KIF13A: variants seen among roughly 807,000 people sequenced by gnomAD.
KIF13A encodes the protein kinesin family member 13A.
A neutral mutation model predicts 212.2 loss-of-function variants in KIF13A; 79 were observed. The observed-to-expected ratio is 0.37, with a 90% confidence interval of 0.31 to 0.45. KIF13A has a LOEUF of 0.45. Ranked by LOEUF, KIF13A falls within the 20% of genes least tolerant of loss-of-function variation. The pLI is 1.00. For missense variants in KIF13A, 1,901 were observed against 2,209.0 expected (o/e 0.86, Z 2.79); for synonymous variants, 789 against 808.6 (o/e 0.98, Z 0.41).
At chr6:17,959,594 T>A (rs1581860072) in intron 2 of KIF13A, among the ~76,000 whole-genome samples, 1 of 152,242 alleles carries the variant, frequency 6.6e-6, no homozygotes, top group Non-Finnish European at 1.5e-5. Context: ...CAACACCTTC[T>A]GTATCAACAA....
intron 16 of KIF13A, among the ~76,000 whole-genome samples, chr6:17,817,587 G>C (rs1764061860): frequency 6.6e-6 from 1 of 152,158 alleles, no homozygotes; most frequent in South Asian, 2.1e-4. Context: ...CGAAATCTAG[G>C]ACAATTCCAA....
intron 3 of KIF13A, among the ~76,000 whole-genome samples, chr6:17,889,556 C>G (rs1002489516): frequency 1.1e-4 from 16 of 152,210 alleles, no homozygotes; most frequent in African/African-American, 3.9e-4. Context: ...ATATGTTTTC[C>G]CTCAGATTCT....
At position 17,828,128 on chromosome 6, in the gene KIF13A, C is replaced by T. The variant is rs763314409; in HGVS notation, c.1532+112G>A. 1.1e-5 allele frequency: 11 copies of T among 1,017,492 alleles called. No homozygotes were observed. Among genetic ancestry groups the T allele is most frequent in the Non-Finnish European group, 1.5e-5 (11 of 714,186 alleles). The allele number at this position is 1,017,492 out of a possible 1,614,324, so 63.0% of individuals were successfully genotyped here. ...TCAGAAAGCAAGGGCCCCCTGAGGA[C>T]CCCCATGTATCCTTAACTTTAATAT... On this transcript the variant is annotated intron_variant, in intron 14 of 38. Transcript: ENST00000259711. The surrounding 1 kb of genome is among the most constrained non-coding windows in gnomAD (Gnocchi z 4.3).
At chr6:17,820,071 C>T (rs186680243) in intron 16 of KIF13A, among the ~76,000 whole-genome samples, 6 of 152,172 alleles carry the variant, frequency 3.9e-5, no homozygotes, top group African/African-American at 1.4e-4. Flanking sequence ...AGTGCAGAAA[C>T]ACACATGATC....
In KIF13A at chr6:17,961,765, G is replaced by A. The variant is rs563112920; in HGVS notation, c.146+25289C>T. Among the ~76,000 whole-genome samples the A allele has an allele frequency of 6.6e-5, 10 of 152,268 alleles. No individual in the cohort carries two copies. Among genetic ancestry groups the A allele is most frequent in the African/African-American group, 1.9e-4 (8 of 41,552 alleles). On this transcript the variant is annotated intron_variant, in intron 2 of 38. Transcript: ENST00000259711. This position sits in a 1 kb window ranked among gnomAD's most constrained non-coding sequence, Gnocchi z 4.1. ...CAGCCAAGTAAGATGTCCACCTCCA[G>A]CAACGACATAGACTGCAGCGCACAC...
chr6:17,891,240 G>A (rs553590874), intron 3 of KIF13A, among the ~76,000 whole-genome samples: 49 of 152,270 alleles, frequency 3.2e-4, no homozygotes, highest in Middle Eastern at 3.4e-3. Flanking sequence ...GGCTTATGCT[G>A]AAATAAATGT....
At chr6:17,905,362 G>A (rs987482538) in intron 2 of KIF13A, among the ~76,000 whole-genome samples, 15 of 152,050 alleles carry the variant, frequency 9.9e-5, no homozygotes, top group African/African-American at 2.4e-4. Flanking sequence ...TCTGACATCC[G>A]GAAGCTTAAA....
intron 26 of KIF13A, among the ~76,000 whole-genome samples, 165 bp from the exon 27 acceptor site, chr6:17,788,040 A>G (rs1761208246): frequency 6.6e-6 from 1 of 152,208 alleles, no homozygotes; most frequent in Non-Finnish European, 1.5e-5. Context: ...GGCCTCAGTA[A>G]CACTGCATGT....
chr6:17,906,652 A>G (rs750195254), intron 2 of KIF13A, among the ~76,000 whole-genome samples: 3 of 151,686 alleles, frequency 2.0e-5, no homozygotes, highest in Non-Finnish European at 4.4e-5. Flanking sequence ...GTCTTGGCAT[A>G]TTGTCCAGGC....
chr6:17,828,156 C>T lies in KIF13A; in HGVS notation c.1532+84G>A. 7.1e-7 allele frequency: 1 copy of T among 1,417,734 alleles called. No individual in the cohort carries two copies. The allele number at this position is 1,417,734 out of a possible 1,614,324, so 87.8% of individuals were successfully genotyped here. A position where few individuals can be genotyped will look rare whatever the true frequency, so the allele number is the denominator to read the frequency against. On this transcript the variant is annotated intron_variant, in intron 14 of 38. Coordinates refer to ENST00000259711, the MANE Select transcript of KIF13A (RefSeq NM_022113.6). This position sits in a 1 kb window ranked among gnomAD's most constrained non-coding sequence, Gnocchi z 4.3. ...CCATGTATCCTTAACTTTAATATAGCTGAAAGCAAACAGAAAGAGGCAGCC... is the reference window on the plus strand; with the variant it reads ...CCATGTATCCTTAACTTTAATATAGTTGAAAGCAAACAGAAAGAGGCAGCC...
chr6:17,858,622 A>G (rs1010445790), intron 4 of KIF13A, among the ~76,000 whole-genome samples: 3 of 152,206 alleles, frequency 2.0e-5, no homozygotes, highest in Non-Finnish European at 2.9e-5. Flanking sequence ...GCCAAGGCCT[A>G]TATCAGAGAA....
intron 2 of KIF13A, chr6:17,953,525 G>T (rs1167689182): frequency 6.6e-6 from 1 of 152,246 alleles, no homozygotes; most frequent in Admixed American, 6.5e-5. Flanking sequence ...AGAGGCAGAG[G>T]CTTGGGTGCG....
chr6:17,868,018 A>T (rs1490175075), intron 4 of KIF13A, among the ~76,000 whole-genome samples: 2 of 152,198 alleles, frequency 1.3e-5, no homozygotes, highest in African/African-American at 4.8e-5. Context: ...ATGCTAGCAG[A>T]ATAAGAGGCA....
downstream of KIF13A, among the ~76,000 whole-genome samples, chr6:17,761,944 G>A (rs1277746782): frequency 3.9e-5 from 6 of 152,108 alleles, no homozygotes; most frequent in South Asian, 2.1e-4. Context: ...ATGGGGATGC[G>A]AGGGGATGGG....
At chr6:17,921,760 G>C (rs1197234369) in intron 2 of KIF13A, among the ~76,000 whole-genome samples, 1 of 152,170 alleles carries the variant, frequency 6.6e-6, no homozygotes, top group Non-Finnish European at 1.5e-5. Flanking sequence ...GTGCTCTGAA[G>C]ACTAGCCTGC....
intron 4 of KIF13A, among the ~76,000 whole-genome samples, chr6:17,867,652 G>A (rs1467919648): frequency 2.0e-5 from 3 of 152,182 alleles, no homozygotes; most frequent in South Asian, 4.1e-4. Context: ...TCCAGAGCCT[G>A]TGCTTTTAAC....
In KIF13A at chr6:17,900,340, C is replaced by T. The variant is rs1040571329; in HGVS notation, c.147-2160G>A. Among the ~76,000 whole-genome samples the T allele has an allele frequency of 2.6e-5, 4 of 152,208 alleles. No individual in the cohort carries two copies. The highest frequency in any genetic ancestry group is 1.5e-5 in the Non-Finnish European group (1 of 68,036). ...CTTAGCTGTCAATAACAAAATTATC[C>T]TTTCTTCATTGACATTCCAAGAAGG... On this transcript the variant is annotated intron_variant, in intron 2 of 38. Transcript: ENST00000259711. This position sits in a 1 kb window ranked among gnomAD's most constrained non-coding sequence, Gnocchi z 4.6.
At position 17,849,488 on chromosome 6, in the gene KIF13A, T is replaced by C; in HGVS notation, c.719A>G (p.Asn240Ser). ...GACCTTACTGACTTTCTCCCCGGAA[T>C]TCTAGTTATAGGAAACGAGAGAGAG... ...TQTLYDLQSG[N>S]SGEKVSKVSL... Residue 240 changes from asparagine to serine, a missense_variant and splice_region_variant, in exon 9 of 39, where the codon AAT becomes AGT. This residue lies in a region of KIF13A where 506 missense variants were observed against 637.4 expected (regional missense o/e 0.79). Coordinates refer to ENST00000259711, the MANE Select transcript of KIF13A (RefSeq NM_022113.6). This position sits in a 1 kb window ranked among gnomAD's most constrained non-coding sequence, Gnocchi z 5.7. The C allele has an allele frequency of 6.2e-7, 1 of 1,611,786 alleles. No homozygotes were observed. The highest frequency in any genetic ancestry group is 1.1e-5 in the South Asian group (1 of 90,856).
intron 6 of KIF13A, among the ~76,000 whole-genome samples, chr6:17,853,526 C>T (rs1581530500): frequency 6.6e-6 from 1 of 152,278 alleles, no homozygotes; most frequent in East Asian, 1.9e-4. Context: ...CCTACCTATA[C>T]AGCAGGAAAC....
Sources: allele counts gnomAD v4.1 joint callset (sites outside exome capture counted in the v4.1 genomes callset), GRCh38; gene constraint gnomAD v4.1.1; regional missense constraint gnomAD v4.1.1; non-coding constraint Gnocchi (gnomAD v3.1); transcripts MANE v1.5; gene names NCBI Gene and HGNC (gene_info 2026-07-23, HGNC 2026-07-21).